The following WWOX variants were observed in gnomAD, a reference collection of about 807,000 sequenced individuals.
The protein encoded by WWOX is WW domain-containing oxidoreductase.
A neutral mutation model predicts 46.2 loss-of-function variants in WWOX; 69 were observed. The observed-to-expected ratio is 1.49, with a 90% confidence interval of 1.23 to 1.82. The LOEUF is 1.82. Among genes scored for constraint, WWOX ranks in the 40% most tolerant of loss-of-function variants. The pLI, the probability that WWOX is intolerant of heterozygous loss-of-function variation, is 0.00. For synonymous variants in WWOX, 359 were observed against 202.6 expected (o/e 1.77, Z -6.56); for missense variants, 919 against 542.6 (o/e 1.69, Z -6.89).
At chr16:79,008,730 C>G (rs1052768655) in intron 8 of WWOX, among the ~76,000 whole-genome samples, 1 of 152,216 alleles carries the variant, frequency 6.6e-6, no homozygotes, top group African/African-American at 2.4e-5. Flanking sequence ...CCTGAAGGTG[C>G]TGACCTTGCT....
At chr16:78,856,727 T>G (rs1028031488) in intron 8 of WWOX, among the ~76,000 whole-genome samples, 1 of 152,184 alleles carries the variant, frequency 6.6e-6, no homozygotes. Context: ...ATGTACTATC[T>G]TATGAAATAG....
At chr16:79,165,848 A>G (rs2050583596) in intron 8 of WWOX, among the ~76,000 whole-genome samples, 1 of 152,174 alleles carries the variant, frequency 6.6e-6, no homozygotes, top group Non-Finnish European at 1.5e-5. Flanking sequence ...AACCGGGAAC[A>G]GGGTTATAAC....
chr16:78,711,037 C>G (rs555371235), intron 8 of WWOX, among the ~76,000 whole-genome samples: 12 of 152,254 alleles, frequency 7.9e-5, no homozygotes, highest in African/African-American at 2.9e-4. Flanking sequence ...CAGGACCTAA[C>G]CAACACCCGA....
intron 5 of WWOX, among the ~76,000 whole-genome samples, chr16:78,190,361 C>T (rs2035846694): frequency 6.6e-6 from 1 of 152,204 alleles, no homozygotes; most frequent in Non-Finnish European, 1.5e-5. Context: ...ACCACCTTGA[C>T]CCCGACCTTG....
At chr16:79,091,874 G>C (rs1481653455) in intron 8 of WWOX, among the ~76,000 whole-genome samples, 1 of 142,618 alleles carries the variant, frequency 7.0e-6, no homozygotes, top group Non-Finnish European at 1.5e-5. Flanking sequence ...TCCACTTCCT[G>C]GGTTCAAGTG....
chr16:78,761,996 A>C (rs2049806157), intron 8 of WWOX, among the ~76,000 whole-genome samples: 1 of 152,194 alleles, frequency 6.6e-6, no homozygotes, highest in African/African-American at 2.4e-5. Context: ...AGGATGAATC[A>C]ACAAGTAAAT....
intron 8 of WWOX, among the ~76,000 whole-genome samples, chr16:78,639,554 AG>A (rs1205307732): frequency 3.5e-5 from 5 of 144,688 alleles, no homozygotes; most frequent in Non-Finnish European, 6.0e-5. Context: ...CTCAGACTCC[AG>A]GGGCACAGAT....
chr16:78,802,156 T>C (rs997100250), intron 8 of WWOX, among the ~76,000 whole-genome samples: 3 of 151,740 alleles, frequency 2.0e-5, no homozygotes, highest in South Asian at 2.1e-4. Flanking sequence ...TATCCAGATA[T>C]ATACAACACA....
At chr16:78,497,764 A>G (rs1365840555) in intron 8 of WWOX, among the ~76,000 whole-genome samples, 1 of 152,072 alleles carries the variant, frequency 6.6e-6, no homozygotes, top group Non-Finnish European at 1.5e-5. Context: ...TTGGGTCTGG[A>G]GATGTCACCC....
intron 8 of WWOX, among the ~76,000 whole-genome samples, chr16:79,015,106 G>T (rs1451862364): frequency 4.6e-5 from 7 of 152,174 alleles, no homozygotes; most frequent in African/African-American, 1.7e-4. Context: ...GGGGGCCACA[G>T]GACACTACTG....
chr16:78,709,097 G>A (rs148916683), intron 8 of WWOX, among the ~76,000 whole-genome samples: 15 of 152,170 alleles, frequency 9.9e-5, no homozygotes, highest in Non-Finnish European at 1.9e-4. Flanking sequence ...ATCGCCCTGC[G>A]TGTCATTTTG....
intron 5 of WWOX, among the ~76,000 whole-genome samples, chr16:78,288,141 T>A (rs557189190): frequency 6.6e-6 from 1 of 152,304 alleles, no homozygotes; most frequent in Admixed American, 6.5e-5. Context: ...TCACCTCCAA[T>A]TATAGACTAG....
chr16:78,401,659 AT>A (rs942508246), intron 6 of WWOX, among the ~76,000 whole-genome samples: 12 of 150,072 alleles, frequency 8.0e-5, no homozygotes, highest in East Asian at 2.0e-4. Flanking sequence ...GAGCCCAGGG[AT>A]TTTTTTTTTA....
At chr16:78,797,127 C>A (rs564781890) in intron 8 of WWOX, among the ~76,000 whole-genome samples, 2 of 151,904 alleles carry the variant, frequency 1.3e-5, no homozygotes, top group African/African-American at 4.8e-5. Flanking sequence ...TGCTGGGCCC[C>A]AACTTTCTTT....
chr16:79,148,551 G>A (rs967995869), intron 8 of WWOX, among the ~76,000 whole-genome samples: 11 of 152,064 alleles, frequency 7.2e-5, no homozygotes, highest in African/African-American at 2.7e-4. Context: ...CCTAAGACCT[G>A]TGCTTTTTCA....
intron 8 of WWOX, among the ~76,000 whole-genome samples, chr16:78,467,894 G>C (rs1358693728): frequency 6.6e-6 from 1 of 152,184 alleles, no homozygotes; most frequent in East Asian, 1.9e-4. Flanking sequence ...TCCAAACTCA[G>C]TGATACTGAT....
chr16:78,304,272 C>A (rs573381280), intron 5 of WWOX, among the ~76,000 whole-genome samples: 1 of 152,320 alleles, frequency 6.6e-6, no homozygotes, highest in Non-Finnish European at 1.5e-5. Context: ...TAGCCTTTTA[C>A]TTTCTACCTT....
chr16:78,634,148 A>G (rs573465933), intron 8 of WWOX, among the ~76,000 whole-genome samples: 1 of 152,256 alleles, frequency 6.6e-6, no homozygotes, highest in Non-Finnish European at 1.5e-5. Flanking sequence ...TACATTTGGA[A>G]TAAAAATTTT....
chr16:78,353,838 G>C (rs974325631), intron 5 of WWOX, among the ~76,000 whole-genome samples: 3 of 152,220 alleles, frequency 2.0e-5, no homozygotes, highest in African/African-American at 7.2e-5. Flanking sequence ...CTTGGGTGGC[G>C]TTCGCTTTAC....
Sources: gnomAD v4.1 joint callset for allele counts (sites outside exome capture counted in the v4.1 genomes callset) on GRCh38, gnomAD v4.1.1 for gene constraint, MANE v1.5 for transcripts, NCBI Gene and HGNC (gene_info 2026-07-23, HGNC 2026-07-21) for gene names.